The following STK32B variants were observed in gnomAD, a reference collection of about 807,000 sequenced individuals.
STK32B encodes the protein serine/threonine kinase 32B, also known as serine/threonine-protein kinase 32B.
Under a neutral mutation model 52.6 loss-of-function variants are expected in STK32B, and 43 were observed. The observed-to-expected ratio is 0.82, with a 90% CI of 0.64 to 1.05. The LOEUF (loss-of-function observed/expected upper bound fraction) is 1.05. Among genes scored for constraint, STK32B ranks in the 50% least tolerant of loss-of-function variants. The pLI is 0.00. For synonymous variants in STK32B, 238 were observed against 204.3 expected (o/e 1.17, Z -1.41); for missense variants, 621 against 534.6 (o/e 1.16, Z -1.59).
chr4:5,076,384 C>T (rs926536326), intron 1 of STK32B, among the ~76,000 whole-genome samples: 16 of 152,214 alleles, frequency 1.1e-4, no homozygotes, highest in Admixed American at 5.2e-4. Flanking sequence ...ATTCCTAGTT[C>T]CTCTTTCTCA....
chr4:5,086,154 G>A (rs186638444), intron 1 of STK32B, among the ~76,000 whole-genome samples: 254 of 152,220 alleles, frequency 1.7e-3, no homozygotes, highest in South Asian at 3.3e-3. Context: ...TCTATTTCTG[G>A]GAATCTATAG....
intron 3 of STK32B, among the ~76,000 whole-genome samples, chr4:5,250,655 GACTAA>G (rs1483993766): frequency 6.6e-6 from 1 of 152,140 alleles, no homozygotes; most frequent in Non-Finnish European, 1.5e-5. Context: ...TTTCCACAGT[GACTAA>G]ACTAATTTAC....
intron 2 of STK32B, among the ~76,000 whole-genome samples, chr4:5,152,650 A>T (rs1717467358): frequency 6.6e-6 from 1 of 152,266 alleles, no homozygotes; most frequent in East Asian, 1.9e-4. Context: ...ATGCGTGGAT[A>T]CGCAGTTCTC....
chr4:5,466,891 A>C (rs558979279), intron 10 of STK32B, 57 bp downstream of exon 10: 7 of 1,572,528 alleles, frequency 4.5e-6, no homozygotes, highest in Non-Finnish European at 6.0e-6. Context: ...TAGGGAAATG[A>C]CTGAGCCAGG....
chr4:5,169,604 A>G (rs1051066956), intron 3 of STK32B, among the ~76,000 whole-genome samples: 12 of 152,278 alleles, frequency 7.9e-5, no homozygotes, highest in Admixed American at 2.6e-4. Context: ...GGGCATTGCC[A>G]TGGAGAAAAC....
At chr4:5,160,744 G>T (rs1419504508) in intron 2 of STK32B, among the ~76,000 whole-genome samples, 3 of 152,192 alleles carry the variant, frequency 2.0e-5, no homozygotes, top group African/African-American at 7.2e-5. Context: ...GTTGTCATGG[G>T]GTTCACAACT....
intron 11 of STK32B, among the ~76,000 whole-genome samples, chr4:5,494,551 A>T (rs936369136): frequency 6.6e-6 from 1 of 152,108 alleles, no homozygotes; most frequent in African/African-American, 2.4e-5. Flanking sequence ...TGTGTCTTTT[A>T]ATTGGAGCAT....
intron 3 of STK32B, among the ~76,000 whole-genome samples, chr4:5,303,100 GTTCCATGT>G (rs1413982747): frequency 6.6e-6 from 1 of 151,874 alleles, no homozygotes; most frequent in Non-Finnish European, 1.5e-5. Flanking sequence ...ATTTGGGCTG[GTTCCATGT>G]TTTCACAATT....
chr4:5,339,242 C>T (rs533045884), intron 4 of STK32B, among the ~76,000 whole-genome samples: 3 of 152,284 alleles, frequency 2.0e-5, no homozygotes, highest in Admixed American at 1.3e-4. Context: ...CATAGGACTT[C>T]TCAGCCTCCA....
chr4:5,220,880 A>G (rs991730807), intron 3 of STK32B, among the ~76,000 whole-genome samples: 1 of 152,190 alleles, frequency 6.6e-6, no homozygotes, highest in Non-Finnish European at 1.5e-5. Context: ...TCTCCTCTTT[A>G]TCAAGTTGAC....
chr4:5,213,110 T>A (rs185275682), intron 3 of STK32B, among the ~76,000 whole-genome samples: 1 of 152,312 alleles, frequency 6.6e-6, no homozygotes, highest in East Asian at 1.9e-4. Context: ...CAGGACACTT[T>A]TAACCCATTA....
chr4:5,298,043 C>T (rs1051501946), intron 3 of STK32B, among the ~76,000 whole-genome samples: 4 of 152,196 alleles, frequency 2.6e-5, no homozygotes, highest in Admixed American at 1.3e-4. Flanking sequence ...TCAGGCCCCT[C>T]TTCTGCAGGT....
At chr4:5,413,805 A>G (rs1711917777) in intron 5 of STK32B, among the ~76,000 whole-genome samples, 1 of 152,190 alleles carries the variant, frequency 6.6e-6, no homozygotes, top group Admixed American at 6.5e-5. Flanking sequence ...GCAGCGAGGT[A>G]ACATTTCTCA....
At chr4:5,156,431 G>A (rs1211323186) in intron 2 of STK32B, among the ~76,000 whole-genome samples, 4 of 152,040 alleles carry the variant, frequency 2.6e-5, no homozygotes, top group East Asian at 1.9e-4. Context: ...AATTTACTTC[G>A]CACAGACACT....
intron 3 of STK32B, among the ~76,000 whole-genome samples, chr4:5,193,892 G>A (rs182259948): frequency 3.9e-5 from 6 of 152,314 alleles, no homozygotes; most frequent in South Asian, 2.1e-4. Flanking sequence ...AGACATCTGT[G>A]CTGGGCACCT....
intron 4 of STK32B, among the ~76,000 whole-genome samples, chr4:5,355,331 A>T (rs1734098812): frequency 6.6e-6 from 1 of 151,778 alleles, no homozygotes; most frequent in African/African-American, 2.4e-5. Flanking sequence ...TCCAGACTTG[A>T]CTCTTGCAAC....
At chr4:5,226,886 A>G (rs1185802101) in intron 3 of STK32B, among the ~76,000 whole-genome samples, 1 of 152,228 alleles carries the variant, frequency 6.6e-6, no homozygotes, top group Non-Finnish European at 1.5e-5. Flanking sequence ...CTCCGTGGAT[A>G]AGGTGGGACT....
chr4:5,341,912 T>A (rs553885538), intron 4 of STK32B, among the ~76,000 whole-genome samples: 133 of 152,136 alleles, frequency 8.7e-4, no homozygotes, highest in Non-Finnish European at 1.6e-3. Flanking sequence ...TTGTTATATA[T>A]GTATACATGT....
In STK32B at chr4:5,378,353, A is replaced by G. The variant is rs1196631423; in HGVS notation, c.435-19854A>G. Among the ~76,000 whole-genome samples the G allele has an allele frequency of 6.6e-6, 1 of 152,234 alleles. No homozygotes were observed. Among genetic ancestry groups the G allele is most frequent in the African/African-American group, 2.4e-5 (1 of 41,464 alleles). On this transcript the variant is annotated intron_variant, in intron 4 of 11. Transcript: ENST00000282908. The surrounding 1 kb of genome is among the most constrained non-coding windows in gnomAD (Gnocchi z 4.4). Reference sequence around the variant, plus strand: ...CACTTGGATCTGCAAAAGGCAGACCAGTAGCCAAGCTCCTAGAGATTCTGA... The same window carrying G: ...CACTTGGATCTGCAAAAGGCAGACCGGTAGCCAAGCTCCTAGAGATTCTGA...
Sources: allele counts gnomAD v4.1 joint callset (sites outside exome capture counted in the v4.1 genomes callset), GRCh38; gene constraint gnomAD v4.1.1; non-coding constraint Gnocchi (gnomAD v3.1); transcripts MANE v1.5; gene names NCBI Gene and HGNC (gene_info 2026-07-23, HGNC 2026-07-21).